NALF1: variants seen among roughly 807,000 people sequenced by gnomAD.
NALF1 encodes the protein NALCN channel auxiliary factor 1.
NALF1 carries 3 observed loss-of-function variants against 48.4 expected under a neutral mutation model. That is an observed-to-expected ratio of 0.06 (90% CI 0.03 to 0.16). The LOEUF is 0.16. NALF1 is among the 10% of genes least tolerant of loss of function. NALF1 has a pLI of 1.00. For missense variants in NALF1, 526 were observed against 571.5 expected (o/e 0.92, Z 0.81); for synonymous variants, 262 against 245.7 (o/e 1.07, Z -0.62).
At position 107,785,996 on chromosome 13, in the gene NALF1, CA is replaced by C. The variant is rs773569280; in HGVS notation, c.915+79685del. ...GCAGAGTGTTCCCACAGCCAAGACT[CA>C]AAAGACAAGACTATGGAGAGGGCTC... On this transcript the variant is annotated intron_variant, in intron 1 of 2. Coordinates refer to ENST00000375915, the MANE Select transcript of NALF1 (RefSeq NM_001080396.3). Among the ~76,000 whole-genome samples the C allele has an allele frequency of 1.8e-4, 27 of 152,176 alleles. No homozygotes were observed. The East Asian group carries it at 4.7e-3, about 26-fold the overall frequency.
chr13:107,498,716 AG>A (rs1324993875), intron 1 of NALF1, among the ~76,000 whole-genome samples: 1 of 152,176 alleles, frequency 6.6e-6, no homozygotes, highest in Non-Finnish European at 1.5e-5. Flanking sequence ...ATTAAGTAGG[AG>A]TTTGAATTTT....
intron 1 of NALF1, among the ~76,000 whole-genome samples, chr13:107,583,317 A>T (rs937391773): frequency 6.6e-6 from 1 of 152,176 alleles, no homozygotes; most frequent in Non-Finnish European, 1.5e-5. Flanking sequence ...GTCTAAATAA[A>T]TGTTCAAATA....
rs1017209485 is a variant in NALF1, at chr13:107,163,599, T to C, written c.*6898A>G. On this transcript the variant is annotated 3_prime_UTR_variant, in exon 3 of 3. Coordinates refer to ENST00000375915, the MANE Select transcript of NALF1 (RefSeq NM_001080396.3). Reference sequence around the variant, plus strand: ...AGATCCAAGGCATTTCTTTAGCTACTAATATACTCCGGAATGTTCCTTTCC... The same window carrying C: ...AGATCCAAGGCATTTCTTTAGCTACCAATATACTCCGGAATGTTCCTTTCC... The C allele has an allele frequency of 6.6e-6, 1 of 152,226 alleles. No individual in the cohort carries two copies. Among genetic ancestry groups the C allele is most frequent in the African/African-American group, 2.4e-5 (1 of 41,458 alleles). 9.4% of individuals were successfully genotyped at this position (152,226 alleles called of 1,614,324 possible).
At chr13:107,217,149 G>T (rs939030862) in intron 1 of NALF1, among the ~76,000 whole-genome samples, 2 of 151,796 alleles carry the variant, frequency 1.3e-5, no homozygotes, top group Admixed American at 6.6e-5. Flanking sequence ...CTATGATTTG[G>T]CCTCAGCTCG....
intron 1 of NALF1, among the ~76,000 whole-genome samples, chr13:107,536,379 C>A (rs1294124517): frequency 1.3e-5 from 2 of 152,102 alleles, no homozygotes; most frequent in Non-Finnish European, 2.9e-5. Context: ...AACAAATTTA[C>A]AAGAAAACAA....
intron 1 of NALF1, among the ~76,000 whole-genome samples, chr13:107,546,738 C>T (rs934340666): frequency 6.6e-6 from 1 of 152,028 alleles, no homozygotes; most frequent in African/African-American, 2.4e-5. Flanking sequence ...AGTAAAATTA[C>T]CTTTTAGGAA....
intron 1 of NALF1, among the ~76,000 whole-genome samples, chr13:107,337,342 T>C (rs2138930366): frequency 6.6e-6 from 1 of 152,344 alleles, no homozygotes; most frequent in Non-Finnish European, 1.5e-5. Flanking sequence ...TGAAACCCAG[T>C]GTTATATCTG....
rs10467289 is a variant in NALF1 at position 107,271,249 on chromosome 13, G to C, written c.916-60494C>G. 8.8e-3 allele frequency among the ~76,000 whole-genome samples: 1,334 copies of C among 152,152 alleles called. 25 individuals carry two copies. The highest frequency in any genetic ancestry group is 0.03 in the African/African-American group (1,253 of 41,510). Reference sequence around the variant, plus strand: ...TGACCTTAATATAGAGACATTATCTGGGTGGGCCTAACTTAATCGCACTCC... The same window carrying C: ...TGACCTTAATATAGAGACATTATCTCGGTGGGCCTAACTTAATCGCACTCC... On this transcript the variant is annotated intron_variant, in intron 1 of 2. Coordinates refer to ENST00000375915, the MANE Select transcript of NALF1 (RefSeq NM_001080396.3).
At position 107,282,973 on chromosome 13, in the gene NALF1, C is replaced by T. The variant is rs116252850; in HGVS notation, c.916-72218G>A. Among the ~76,000 whole-genome samples, 639 of 152,266 alleles carry T rather than the reference C, an allele frequency of 4.2e-3. 2 individuals carry two copies. The highest frequency in any genetic ancestry group is 0.015 in the African/African-American group (609 of 41,538). On this transcript the variant is annotated intron_variant, in intron 1 of 2. Transcript: ENST00000375915. ...AAGGGAAATAATTAAAAGTTATACT[C>T]GTCAGATTACACACTGTAGAAAAAC...
intron 1 of NALF1, among the ~76,000 whole-genome samples, chr13:107,655,913 G>A (rs1052002124): frequency 6.6e-6 from 1 of 151,992 alleles, no homozygotes; most frequent in Non-Finnish European, 1.5e-5. Context: ...GTGGGGAAAG[G>A]ACACCCTATT....
chr13:107,178,957 A>AAC (rs1555324988), intron 2 of NALF1, among the ~76,000 whole-genome samples: 10 of 150,068 alleles, frequency 6.7e-5, no homozygotes, highest in African/African-American at 2.4e-4. Context: ...AAAACAAACA[A>AAC]AAAAAAAAAA....
intron 2 of NALF1, among the ~76,000 whole-genome samples, chr13:107,196,395 GA>G (rs1183164109): frequency 2.6e-5 from 4 of 152,118 alleles, no homozygotes; most frequent in Admixed American, 1.3e-4. Context: ...AAGTTCAGGT[GA>G]AAAGAAAAAG....
chr13:107,462,573 C>G (rs1313911043), intron 1 of NALF1, among the ~76,000 whole-genome samples: 1 of 152,154 alleles, frequency 6.6e-6, no homozygotes, highest in Non-Finnish European at 1.5e-5. Context: ...CAAGCCCTGC[C>G]CATTCAAAAT....
chr13:107,540,288 A>C, intron 1 of NALF1, among the ~76,000 whole-genome samples: 1 of 152,120 alleles, frequency 6.6e-6, no homozygotes, highest in East Asian at 1.9e-4. Context: ...CAGATTCTTC[A>C]ACCTCTGCTA....
At chr13:107,458,651 T>C (rs1323682) in intron 1 of NALF1, among the ~76,000 whole-genome samples, 106,185 of 151,966 alleles carry the variant, frequency 0.7, 37,553 homozygotes, top group Middle Eastern at 0.78. Context: ...TCACCACCAC[T>C]GGGAAAATCA....
At chr13:107,684,309 T>A (rs1029571310) in intron 1 of NALF1, among the ~76,000 whole-genome samples, 2 of 152,192 alleles carry the variant, frequency 1.3e-5, no homozygotes, top group African/African-American at 4.8e-5. Context: ...CCACTCCCTG[T>A]GTAAATGTGA....
intron 1 of NALF1, chr13:107,466,706 G>A (rs993501458): frequency 6.6e-6 from 1 of 152,214 alleles, no homozygotes; most frequent in Non-Finnish European, 1.5e-5. Flanking sequence ...GATTGAGAGA[G>A]TTTATTTGAT....
chr13:107,559,340 A>T (rs1004073395), intron 1 of NALF1, among the ~76,000 whole-genome samples: 9 of 152,248 alleles, frequency 5.9e-5, no homozygotes, highest in African/African-American at 1.9e-4. Context: ...AACAACAACA[A>T]AACAAAACAA....
At chr13:107,808,370 T>C (rs1156484203) in intron 1 of NALF1, among the ~76,000 whole-genome samples, 2 of 152,130 alleles carry the variant, frequency 1.3e-5, no homozygotes, top group South Asian at 2.1e-4. Context: ...AAGGAATATC[T>C]ATCTTTTTCC....
Sources: gnomAD v4.1 joint callset for allele counts (sites outside exome capture counted in the v4.1 genomes callset) on GRCh38, gnomAD v4.1.1 for gene constraint, MANE v1.5 for transcripts, NCBI Gene and HGNC (gene_info 2026-07-23, HGNC 2026-07-21) for gene names.